Variants in RALYL observed in about 807,000 individuals in gnomAD.
The protein encoded by RALYL is RALY RNA binding protein like, also known as RNA-binding Raly-like protein.
Under a neutral mutation model 35.1 loss-of-function variants are expected in RALYL, and 29 were observed. The ratio of observed to expected loss-of-function variants is 0.83; its 90% CI spans 0.61 to 1.13. The LOEUF (loss-of-function observed/expected upper bound fraction) is 1.13, where lower values mean the gene tolerates loss of function less well. Among genes scored for constraint, RALYL ranks in the 50% most tolerant of loss-of-function variants. The pLI is 0.00. For synonymous variants in RALYL, 120 were observed against 127.6 expected (o/e 0.94, Z 0.40); for missense variants, 359 against 360.4 (o/e 1.00, Z 0.03).
At chr8:84,759,659 G>A (rs1310632041) in intron 2 of RALYL, among the ~76,000 whole-genome samples, 2 of 152,142 alleles carry the variant, frequency 1.3e-5, no homozygotes, top group South Asian at 2.1e-4. Flanking sequence ...GTGGTCTTAT[G>A]CAGGTTACTC....
At chr8:84,463,298 G>C (rs1324871669) in intron 1 of RALYL, among the ~76,000 whole-genome samples, 1 of 151,940 alleles carries the variant, frequency 6.6e-6, no homozygotes, top group Non-Finnish European at 1.5e-5. Flanking sequence ...CTGTGACATG[G>C]ACAACATCCT....
chr8:84,281,576 A>C (rs926837888), intron 1 of RALYL, among the ~76,000 whole-genome samples: 1 of 152,142 alleles, frequency 6.6e-6, no homozygotes, highest in African/African-American at 2.4e-5. Context: ...TTCTAATTCC[A>C]GTATGTGAAT....
chr8:84,727,738 C>G (rs548785247), intron 2 of RALYL, among the ~76,000 whole-genome samples: 9 of 150,742 alleles, frequency 6.0e-5, no homozygotes, highest in African/African-American at 2.2e-4. Context: ...TTTTTTTGTT[C>G]TTGCGATAGT....
At chr8:84,370,827 C>T (rs1247737972) in intron 1 of RALYL, among the ~76,000 whole-genome samples, 1 of 151,868 alleles carries the variant, frequency 6.6e-6, no homozygotes, top group East Asian at 1.9e-4. Context: ...AGGTGAGGGT[C>T]ACTATGTGGG....
At chr8:84,353,857 G>T (rs1281420492) in intron 1 of RALYL, among the ~76,000 whole-genome samples, 1 of 149,876 alleles carries the variant, frequency 6.7e-6, no homozygotes, top group Non-Finnish European at 1.5e-5. Context: ...TGTCATAAAT[G>T]TCTTTGTTCC....
At chr8:84,891,383 A>C (rs2135462172) in intron 8 of RALYL, among the ~76,000 whole-genome samples, 1 of 152,310 alleles carries the variant, frequency 6.6e-6, no homozygotes, top group South Asian at 2.1e-4. Context: ...CAAGATCAGA[A>C]ATTTCAAAAA....
chr8:84,409,087 G>T (rs1296067837), intron 1 of RALYL, among the ~76,000 whole-genome samples: 1 of 151,728 alleles, frequency 6.6e-6, no homozygotes, highest in South Asian at 2.1e-4. Flanking sequence ...TCCCCAAGTG[G>T]GTAAATGACT....
intron 2 of RALYL, among the ~76,000 whole-genome samples, chr8:84,589,245 G>C (rs948748890): frequency 2.0e-5 from 3 of 152,136 alleles, no homozygotes; most frequent in Admixed American, 2.0e-4. Flanking sequence ...ATCTCAATGC[G>C]ATGTCTTCCA....
At chr8:84,791,957 A>G (rs1025438315) in intron 3 of RALYL, among the ~76,000 whole-genome samples, 3 of 152,022 alleles carry the variant, frequency 2.0e-5, no homozygotes, top group African/African-American at 7.2e-5. Context: ...CTGTTCAGCC[A>G]CCGTATGTGT....
chr8:84,727,978 G>C (rs1055343555), intron 2 of RALYL, among the ~76,000 whole-genome samples: 1 of 151,692 alleles, frequency 6.6e-6, no homozygotes, highest in African/African-American at 2.4e-5. Flanking sequence ...TCGTCCTTTG[G>C]GTATATACCC....
intron 1 of RALYL, among the ~76,000 whole-genome samples, chr8:84,401,696 G>T (rs2042928678): frequency 7.0e-6 from 1 of 142,498 alleles, no homozygotes; most frequent in Admixed American, 7.1e-5. Context: ...TTAGTAACCA[G>T]TTAGGGATAT....
intron 1 of RALYL, among the ~76,000 whole-genome samples, chr8:84,477,043 C>G (rs2053507869): frequency 6.6e-6 from 1 of 152,138 alleles, no homozygotes; most frequent in Non-Finnish European, 1.5e-5. Context: ...GGGCAAAAAA[C>G]ATGGTGATAA....
intron 1 of RALYL, among the ~76,000 whole-genome samples, chr8:84,320,178 A>G (rs1487523170): frequency 6.6e-6 from 1 of 151,976 alleles, no homozygotes; most frequent in East Asian, 1.9e-4. Context: ...GATTTACCAT[A>G]TTTTGCTTAG....
intron 1 of RALYL, among the ~76,000 whole-genome samples, chr8:84,277,836 T>C (rs1266710010): frequency 1.3e-5 from 2 of 152,236 alleles, no homozygotes; most frequent in African/African-American, 4.8e-5. Flanking sequence ...TCCCACAGCA[T>C]TGGGCAGCTC....
intron 2 of RALYL, among the ~76,000 whole-genome samples, chr8:84,751,246 C>A (rs1355772020): frequency 1.3e-5 from 2 of 151,990 alleles, no homozygotes; most frequent in Non-Finnish European, 2.9e-5. Context: ...CTCATTCTAT[C>A]ACCCAGGCTA....
At chr8:84,529,236 C>T in intron 1 of RALYL, 63 bp from the exon 2 acceptor site, 3 of 1,508,614 alleles carry the variant, frequency 2.0e-6, no homozygotes, top group Non-Finnish European at 2.7e-6. Flanking sequence ...GCCACTGATA[C>T]CCATTCGATC....
At chr8:84,354,484 A>G (rs925234763) in intron 1 of RALYL, among the ~76,000 whole-genome samples, 1 of 150,348 alleles carries the variant, frequency 6.7e-6, no homozygotes, top group African/African-American at 2.5e-5. Flanking sequence ...CAGATCCTTC[A>G]AGACAACTCT....
At chr8:84,911,888 T>C (rs2085340260) in intron 8 of RALYL, among the ~76,000 whole-genome samples, 1 of 152,140 alleles carries the variant, frequency 6.6e-6, no homozygotes. Context: ...GATAAAGAGA[T>C]ACATAAGGTA....
At chr8:84,704,119 A>G (rs1406721597) in intron 2 of RALYL, among the ~76,000 whole-genome samples, 4 of 152,120 alleles carry the variant, frequency 2.6e-5, no homozygotes, top group African/African-American at 9.7e-5. Flanking sequence ...TATCATTGAA[A>G]CTTGTTTATT....
Sources: gnomAD v4.1 joint callset for allele counts (sites outside exome capture counted in the v4.1 genomes callset) on GRCh38, gnomAD v4.1.1 for gene constraint, MANE v1.5 for transcripts, NCBI Gene and HGNC (gene_info 2026-07-23, HGNC 2026-07-21) for gene names.